The following NIPBL variants were observed in gnomAD, a reference collection of about 807,000 sequenced individuals.
NIPBL encodes NIPBL cohesin loading factor.
A neutral mutation model predicts 321.8 loss-of-function variants in NIPBL; 19 were observed. The observed-to-expected ratio is 0.06, with a 90% CI of 0.04 to 0.09. NIPBL has a LOEUF of 0.09. Ranked by LOEUF, NIPBL falls within the 10% of genes least tolerant of loss-of-function variation. The probability of loss-of-function intolerance (pLI) is 1.00; values close to 1 mark genes in which losing one functional copy is unlikely to be tolerated. For missense variants in NIPBL, 2,210 were observed against 3,327.0 expected, an observed-to-expected ratio of 0.66 and a Z score of 8.26; for synonymous variants, 1,106 against 1,114.1, an observed-to-expected ratio of 0.99 and a Z score of 0.14.
chr5:36,953,827 T>C (rs2149597607), intron 2 of NIPBL, 67 bp downstream of exon 2: 1 of 1,322,126 alleles, frequency 7.6e-7, no homozygotes, highest in East Asian at 2.3e-5. Flanking sequence ...ACAGTGACTG[T>C]TCTAAAAATT....
intron 1 of NIPBL, among the ~76,000 whole-genome samples, chr5:36,883,590 T>G (rs1745665340): frequency 6.6e-6 from 1 of 151,966 alleles, no homozygotes; most frequent in Non-Finnish European, 1.5e-5. Flanking sequence ...TTTTAAAATA[T>G]TAGTCTTTAT....
At chr5:37,007,977 T>A in intron 18 of NIPBL, 31 bp from the exon 19 acceptor site, 1 of 1,200,772 alleles carries the variant, frequency 8.3e-7, no homozygotes, top group Non-Finnish European at 1.2e-6. Flanking sequence ...CAACTAAAGG[T>A]GTATACTACT....
intron 11 of NIPBL, 112 bp from the exon 12 acceptor site, chr5:37,000,261 C>G (rs1746629829): frequency 9.9e-7 from 1 of 1,007,030 alleles, no homozygotes; most frequent in African/African-American, 1.6e-5. Context: ...ACTGAATTTC[C>G]TAGACCCTAT....
At chr5:36,963,558 G>T (rs897485619) in intron 6 of NIPBL, among the ~76,000 whole-genome samples, 2 of 151,724 alleles carry the variant, frequency 1.3e-5, no homozygotes, top group African/African-American at 4.8e-5. Flanking sequence ...TCCCAGCACT[G>T]TAGGAGGCTG....
chr5:36,911,827 CTG>C (rs1343189443), intron 1 of NIPBL, among the ~76,000 whole-genome samples: 4 of 151,962 alleles, frequency 2.6e-5, no homozygotes, highest in Non-Finnish European at 5.9e-5. Flanking sequence ...TATCCAATAA[CTG>C]AAATTAGGAA....
rs138671560 is a variant in NIPBL at position 37,003,601 on chromosome 5, G to A, written c.3855+254G>A. Reference sequence around the variant, plus strand: ...ATAGGAAAAAACATAGTGTATATCGGGTTTGATAGTATCCATGGCATGCAC... The same window carrying A: ...ATAGGAAAAAACATAGTGTATATCGAGTTTGATAGTATCCATGGCATGCAC... On this transcript the variant is annotated intron_variant, in intron 16 of 46. Coordinates refer to ENST00000282516, the MANE Select transcript of NIPBL (RefSeq NM_133433.4). 2.1e-3 allele frequency among the ~76,000 whole-genome samples: 324 copies of A among 152,158 alleles called. 1 individual carries two copies. The highest frequency in any genetic ancestry group is 3.2e-3 in the Non-Finnish European group (220 of 67,984).
intron 31 of NIPBL, 110 bp from the exon 32 acceptor site, chr5:37,027,249 C>CT (rs1416110878): frequency 8.2e-6 from 7 of 858,116 alleles, no homozygotes; most frequent in South Asian, 7.3e-5. Context: ...TAAAAATAAA[C>CT]TTTTGAATTG....
chr5:36,990,294 C>G (rs767289148), intron 10 of NIPBL, among the ~76,000 whole-genome samples: 16 of 152,198 alleles, frequency 1.1e-4, no homozygotes, highest in Non-Finnish European at 2.4e-4. Flanking sequence ...CTACTAAATG[C>G]TGATAACTAT....
At position 37,064,809 on chromosome 5, in the gene NIPBL, C is replaced by T. The variant is rs1401812516; in HGVS notation, c.8332C>T (p.Leu2778=). Residue 2778 remains leucine, a synonymous_variant, in exon 47 of 47, where the codon CTA becomes TTA. Coordinates refer to ENST00000282516, the MANE Select transcript of NIPBL (RefSeq NM_133433.4). The part of the protein sequence containing the change: ...ESDIIYKKIA[L]TSANKLTNKV... ...AGACATTATTTACAAAAAAATTGCT[C>T]TAACGAGTGCTAATAAGCTGACTAA... 2.5e-6 allele frequency: 4 copies of T among 1,614,078 alleles called. No homozygotes were observed. The African/African-American group carries it at 4.0e-5, about 16-fold the overall frequency.
intron 43 of NIPBL, 97 bp downstream of exon 43, chr5:37,057,429 C>A: frequency 8.3e-7 from 1 of 1,208,874 alleles, no homozygotes; most frequent in Non-Finnish European, 1.2e-6. Context: ...ATCCTCTTCA[C>A]GAGTATATAA....
chr5:36,886,398 C>A, intron 1 of NIPBL: 1 of 733,058 alleles, frequency 1.4e-6, no homozygotes, highest in Non-Finnish European at 2.5e-6. Context: ...CCCTGGACAG[C>A]AGCAACTCCA....
At chr5:37,050,697 A>ATG (rs1753444959) in intron 40 of NIPBL, among the ~76,000 whole-genome samples, 1 of 152,166 alleles carries the variant, frequency 6.6e-6, no homozygotes, top group African/African-American at 2.4e-5. Flanking sequence ...TTTTCTAAGA[A>ATG]CAAGGACATT....
rs181933519 is a variant in NIPBL, at chr5:36,892,248, A to G, written c.-80+15070A>G. ...CAAAACTGCAATAAGATACCATCTC[A>G]CACCAGTTAGAATGGCGATCATTAA... On this transcript the variant is annotated intron_variant, in intron 1 of 46. Transcript: ENST00000282516. 1.2e-4 allele frequency among the ~76,000 whole-genome samples: 19 copies of G among 152,322 alleles called. No individual in the cohort carries two copies. In the East Asian group the frequency reaches 3.5e-3, roughly 28 times the overall value.
chr5:36,922,202 C>T (rs1749001985), intron 1 of NIPBL, among the ~76,000 whole-genome samples: 2 of 151,926 alleles, frequency 1.3e-5, no homozygotes, highest in Admixed American at 6.6e-5. Flanking sequence ...CAATGTTTTT[C>T]TTAAAAATAT....
At chr5:37,003,419 T>G in intron 16 of NIPBL, 72 bp downstream of exon 16, 3 of 858,782 alleles carry the variant, frequency 3.5e-6, no homozygotes, top group Non-Finnish European at 5.7e-6. Context: ...CCCACTTCTC[T>G]ATTGTTTCAT....
chr5:36,909,594 C>A (rs1381239860), intron 1 of NIPBL, among the ~76,000 whole-genome samples: 2 of 151,668 alleles, frequency 1.3e-5, no homozygotes, highest in African/African-American at 4.8e-5. Context: ...TTGGTAATCA[C>A]AAAAATAGTA....
intron 11 of NIPBL, among the ~76,000 whole-genome samples, chr5:36,999,274 G>T (rs905529551): frequency 6.6e-6 from 1 of 152,058 alleles, no homozygotes; most frequent in African/African-American, 2.4e-5. Flanking sequence ...TCATAGTTAG[G>T]GATTCAGAAA....
intron 21 of NIPBL, among the ~76,000 whole-genome samples, chr5:37,014,124 G>T (rs1201888303): frequency 6.6e-6 from 1 of 152,176 alleles, no homozygotes; most frequent in Non-Finnish European, 1.5e-5. Flanking sequence ...GGAGAATCAG[G>T]CAGGGAGGTT....
chr5:37,058,352 C>A (rs1459133034), intron 43 of NIPBL, among the ~76,000 whole-genome samples: 2 of 151,850 alleles, frequency 1.3e-5, no homozygotes, highest in South Asian at 2.1e-4. Context: ...ATAATGTGCC[C>A]CACACACACA....
Sources: allele counts gnomAD v4.1 joint callset (sites outside exome capture counted in the v4.1 genomes callset), GRCh38; gene constraint gnomAD v4.1.1; transcripts MANE v1.5; gene names NCBI Gene and HGNC (gene_info 2026-07-23, HGNC 2026-07-21).